The following CTNNA2 variants were observed in gnomAD, a reference collection of about 807,000 sequenced individuals.
CTNNA2 encodes the protein catenin alpha 2, also known as catenin alpha-2.
A neutral mutation model predicts 101.0 loss-of-function variants in CTNNA2; 42 were observed. The ratio of observed to expected loss-of-function variants is 0.42; its 90% CI spans 0.32 to 0.54. The LOEUF (loss-of-function observed/expected upper bound fraction) is 0.54. Ranked by LOEUF, CTNNA2 falls within the 20% of genes least tolerant of loss-of-function variation. The pLI is 0.14. For synonymous variants in CTNNA2, 450 were observed against 456.4 expected (o/e 0.99, Z 0.18); for missense variants, 871 against 1,223.1 (o/e 0.71, Z 4.29).
intron 7 of CTNNA2, among the ~76,000 whole-genome samples, chr2:79,930,802 C>A (rs1234782082): frequency 6.6e-6 from 1 of 152,188 alleles, no homozygotes; most frequent in Non-Finnish European, 1.5e-5. Flanking sequence ...TAATATTTTA[C>A]TTCTTAAAAT....
chr2:80,277,821 A>G (rs886718908), intron 7 of CTNNA2, among the ~76,000 whole-genome samples: 4 of 152,064 alleles, frequency 2.6e-5, no homozygotes, highest in Non-Finnish European at 5.9e-5. Flanking sequence ...AACCACGTCA[A>G]CCTTCTGGTA....
intron 6 of CTNNA2, among the ~76,000 whole-genome samples, chr2:79,882,516 G>A (rs371922210): frequency 6.6e-6 from 1 of 152,216 alleles, no homozygotes; most frequent in African/African-American, 2.4e-5. Flanking sequence ...GGTGTGTTGG[G>A]CTATGGGGAA....
intron 7 of CTNNA2, among the ~76,000 whole-genome samples, chr2:80,020,811 A>T (rs1279423861): frequency 6.6e-6 from 1 of 152,000 alleles, no homozygotes; most frequent in African/African-American, 2.4e-5. Flanking sequence ...AAAATTGGAG[A>T]AGAAAGAATT....
At chr2:80,128,239 T>TG (rs968522390) in intron 7 of CTNNA2, among the ~76,000 whole-genome samples, 16 of 152,170 alleles carry the variant, frequency 1.1e-4, no homozygotes, top group African/African-American at 3.6e-4. Context: ...AACCGAAGCC[T>TG]GGTGCTCTAA....
chr2:79,827,315 G>A (rs575838191), intron 3 of CTNNA2, among the ~76,000 whole-genome samples: 11 of 152,286 alleles, frequency 7.2e-5, no homozygotes, highest in Admixed American at 7.2e-4. Context: ...TGGGATTACA[G>A]GAGTGAGCCA....
intron 2 of CTNNA2, among the ~76,000 whole-genome samples, chr2:79,273,040 T>G (rs1293578466): frequency 6.6e-6 from 1 of 152,100 alleles, no homozygotes; most frequent in African/African-American, 2.4e-5. Flanking sequence ...TCAAGGTACA[T>G]GGTGTTCCTC....
intron 2 of CTNNA2, among the ~76,000 whole-genome samples, chr2:79,215,201 C>T (rs962073180): frequency 6.6e-6 from 1 of 152,122 alleles, no homozygotes. Flanking sequence ...GGGTCCTGCA[C>T]AGATGGGACG....
At chr2:79,852,662 G>C (rs1680813757) in intron 3 of CTNNA2, among the ~76,000 whole-genome samples, 1 of 152,226 alleles carries the variant, frequency 6.6e-6, no homozygotes, top group South Asian at 2.1e-4. Context: ...CACAATCTCT[G>C]CTCACTGCAA....
At chr2:80,619,517 T>C (rs1024472447) in intron 18 of CTNNA2, among the ~76,000 whole-genome samples, 2 of 151,944 alleles carry the variant, frequency 1.3e-5, no homozygotes, top group Non-Finnish European at 2.9e-5. Flanking sequence ...GTGGAATGAA[T>C]CCATTCTATA....
At chr2:80,270,226 T>C (rs1333096682) in intron 7 of CTNNA2, among the ~76,000 whole-genome samples, 1 of 152,200 alleles carries the variant, frequency 6.6e-6, no homozygotes, top group African/African-American at 2.4e-5. Flanking sequence ...GTACCTGAGT[T>C]TGTGATTCCT....
chr2:80,466,217 T>C (rs1217273957), intron 9 of CTNNA2, among the ~76,000 whole-genome samples: 1 of 151,952 alleles, frequency 6.6e-6, no homozygotes, highest in African/African-American at 2.4e-5. Context: ...CTGGAGGGAG[T>C]TATTTAGTCT....
chr2:80,606,414 C>CACCCACCCA (rs1558638318), intron 16 of CTNNA2, among the ~76,000 whole-genome samples: 1 of 51,614 alleles, frequency 1.9e-5, no homozygotes, highest in African/African-American at 7.9e-5. Context: ...ACACACACAC[C>CACCCACCCA]CCCCAGGATA....
At chr2:79,718,340 T>C (rs1049977562) in intron 2 of CTNNA2, among the ~76,000 whole-genome samples, 1 of 152,254 alleles carries the variant, frequency 6.6e-6, no homozygotes, top group Non-Finnish European at 1.5e-5. Flanking sequence ...ATGAGAGACT[T>C]ATAATATGCT....
intron 1 of CTNNA2, among the ~76,000 whole-genome samples, chr2:79,528,921 T>G (rs939604791): frequency 4.6e-5 from 7 of 152,078 alleles, no homozygotes; most frequent in African/African-American, 1.4e-4. Flanking sequence ...AGCGGGAAAG[T>G]GCGGCCCGTA....
At chr2:79,411,718 C>A (rs1056645421) in intron 4 of CTNNA2, among the ~76,000 whole-genome samples, 13 of 152,046 alleles carry the variant, frequency 8.6e-5, no homozygotes, top group Admixed American at 3.3e-4. Flanking sequence ...CACCACCAGG[C>A]CTGCTCTAAA....
intron 4 of CTNNA2, among the ~76,000 whole-genome samples, chr2:79,409,453 A>G (rs920130266): frequency 1.3e-5 from 2 of 152,032 alleles, no homozygotes; most frequent in African/African-American, 4.8e-5. Flanking sequence ...TAAGTCTTTA[A>G]TCCATCTTGA....
intron 1 of CTNNA2, among the ~76,000 whole-genome samples, chr2:79,612,593 A>G (rs943460709): frequency 1.3e-5 from 2 of 152,146 alleles, no homozygotes; most frequent in Admixed American, 6.6e-5. Flanking sequence ...TTGAATTTTA[A>G]TTTATATTTG....
chr2:79,789,118 C>T (rs1343009414), intron 3 of CTNNA2, among the ~76,000 whole-genome samples: 1 of 152,144 alleles, frequency 6.6e-6, no homozygotes, highest in Non-Finnish European at 1.5e-5. Flanking sequence ...GTGGACATTG[C>T]GTGTAAAGTA....
intron 3 of CTNNA2, among the ~76,000 whole-genome samples, chr2:79,821,943 G>A (rs1678046283): frequency 6.6e-6 from 1 of 152,060 alleles, no homozygotes; most frequent in South Asian, 2.1e-4. Context: ...TATAGCAATG[G>A]TTAACAAAAT....
Sources: gnomAD v4.1 joint callset for allele counts (sites outside exome capture counted in the v4.1 genomes callset) on GRCh38, gnomAD v4.1.1 for gene constraint, MANE v1.5 for transcripts, NCBI Gene and HGNC (gene_info 2026-07-23, HGNC 2026-07-21) for gene names.